Variants in SF3B3 observed in about 807,000 individuals in gnomAD.
SF3B3 encodes the protein splicing factor 3b subunit 3.
SF3B3 carries 33 observed loss-of-function variants against 139.2 expected under a neutral mutation model. The ratio of observed to expected loss-of-function variants is 0.24; its 90% CI spans 0.18 to 0.32. The LOEUF is 0.32. Among genes scored for constraint, SF3B3 ranks in the 10% least tolerant of loss-of-function variants. SF3B3 has a pLI of 1.00. For synonymous variants in SF3B3, 596 were observed against 563.6 expected (o/e 1.06, Z -0.81); for missense variants, 818 against 1,509.4 (o/e 0.54, Z 7.59).
intron 4 of SF3B3, among the ~76,000 whole-genome samples, chr16:70,531,616 T>G (rs1031520930): frequency 6.6e-6 from 1 of 152,218 alleles, no homozygotes; most frequent in Non-Finnish European, 1.5e-5. Context: ...TAGCAGATCT[T>G]CATATTCCAA....
At chr16:70,557,097 G>C (rs2050385936) in intron 15 of SF3B3, 68 bp downstream of exon 15, 2 of 1,464,618 alleles carry the variant, frequency 1.4e-6, no homozygotes, top group Admixed American at 2.4e-5. Context: ...TCCTTTGTTT[G>C]ATAACAGGGA....
intron 8 of SF3B3, among the ~76,000 whole-genome samples, chr16:70,541,172 G>C (rs571849250): frequency 2.0e-5 from 3 of 152,182 alleles, no homozygotes; most frequent in Non-Finnish European, 2.9e-5. Context: ...GTAGCTCATT[G>C]TGGTTTGCCT....
Position 70,530,667 on chromosome 16 carries a change from G to A in SF3B3, c.398-78G>A, listed in dbSNP as rs1421825533. 33 of 1,175,326 alleles carry A rather than the reference G, an allele frequency of 2.8e-5. 1 individual carries two copies. In the South Asian group the frequency reaches 4.4e-4, roughly 16 times the overall value. The allele number at this position is 1,175,326 out of a possible 1,614,324, so 72.8% of individuals were successfully genotyped here. On this transcript the variant is annotated intron_variant, in intron 3 of 25. Coordinates refer to ENST00000302516, the MANE Select transcript of SF3B3 (RefSeq NM_012426.5). ...TTAATAATGATTAAAAGAAAAGCAT[G>A]ATGTGACTCTAGCTGTTCTATAAGT...
At chr16:70,525,266 ACCCATTTGCCTCGG>A (rs1234277539) in intron 1 of SF3B3, among the ~76,000 whole-genome samples, 1 of 151,722 alleles carries the variant, frequency 6.6e-6, no homozygotes, top group African/African-American at 2.4e-5. Context: ...ACCTCAAGTG[ACCCATTTGCCTCGG>A]CCTCCCAAAG....
chr16:70,548,323 T>G, intron 10 of SF3B3, 47 bp from the exon 11 acceptor site: 33 of 1,468,880 alleles, frequency 2.2e-5, no homozygotes, highest in Non-Finnish European at 3.0e-5. Flanking sequence ...AGCAGGTAGC[T>G]GAGTTGCATG....
rs1488037965 is a variant in SF3B3, at chr16:70,538,430, T to G, written c.933T>G (p.Phe311Leu). 1 of 1,613,954 alleles carries G rather than the reference T, an allele frequency of 6.2e-7. No individual in the cohort carries two copies. The highest frequency in any genetic ancestry group is 1.1e-5 in the South Asian group (1 of 91,080). Reference sequence around the variant, plus strand: ...CTCAAACTGAGCAGGGAGATATCTTTAAGATCACTTTGGAGACAGATGAAG... The same window carrying G: ...CTCAAACTGAGCAGGGAGATATCTTGAAGATCACTTTGGAGACAGATGAAG... ...FLAQTEQGDI[F>L]KITLETDEDM... The change falls in exon 7 of 26, where the codon TTT (phenylalanine) becomes TTG (leucine). Residue 311 changes from phenylalanine to leucine, a missense_variant. Transcript: ENST00000302516.
Position 70,568,423 on chromosome 16 carries a change from A to T in SF3B3, c.3093A>T (p.Arg1031=), listed in dbSNP as rs941111886. ...TCTTTGCTGATGATACCTACCCCCG[A>T]TGGGTCACTACAGCCAGCCTCCTGG... ...LIIFADDTYP[R]WVTTASLLDY... The change falls in exon 22 of 26, where the codon CGA becomes CGT. Residue 1031 remains arginine (R), a synonymous_variant. Transcript: ENST00000302516. The T allele has an allele frequency of 6.2e-7, 1 of 1,614,122 alleles. No homozygotes were observed. The highest frequency in any genetic ancestry group is 8.5e-7 in the Non-Finnish European group (1 of 1,179,968).
chr16:70,536,610 C>T (rs961793249), intron 6 of SF3B3, among the ~76,000 whole-genome samples: 29 of 151,652 alleles, frequency 1.9e-4, no homozygotes, highest in Admixed American at 1.6e-3. Flanking sequence ...CTGCCCGCCT[C>T]GGCCTCCCAA....
At chr16:70,549,169 G>T (rs778133253) in intron 11 of SF3B3, among the ~76,000 whole-genome samples, 5 of 152,200 alleles carry the variant, frequency 3.3e-5, no homozygotes, top group Admixed American at 1.3e-4. Flanking sequence ...CAGGAATGTG[G>T]GATGGGTGAG....
At chr16:70,532,646 T>G (rs368907551) in intron 5 of SF3B3, 26 bp downstream of exon 5, 271 of 1,611,898 alleles carry the variant, frequency 1.7e-4, no homozygotes, top group Non-Finnish European at 2.1e-4. Flanking sequence ...AGCTGCTTTG[T>G]ACCCTTTTAC....
intron 5 of SF3B3, among the ~76,000 whole-genome samples, chr16:70,534,326 AG>A (rs1190404096): frequency 1.3e-5 from 2 of 152,232 alleles, no homozygotes; most frequent in Non-Finnish European, 2.9e-5. Context: ...GGGTAGGAGT[AG>A]GGGTGGGGTG....
chr16:70,560,153 G>C (rs1318271012), intron 15 of SF3B3, among the ~76,000 whole-genome samples: 3 of 152,068 alleles, frequency 2.0e-5, no homozygotes, highest in Admixed American at 6.5e-5. Context: ...TGGTCTTTGT[G>C]GTTATTTAAT....
At chr16:70,564,598 G>A (rs186932245) in intron 18 of SF3B3, among the ~76,000 whole-genome samples, 4 of 152,152 alleles carry the variant, frequency 2.6e-5, no homozygotes, top group African/African-American at 4.8e-5. Flanking sequence ...CTTTATTTGG[G>A]CCCAAAAGAG....
chr16:70,552,035 A>C (rs1056309715), intron 11 of SF3B3, among the ~76,000 whole-genome samples: 3 of 152,134 alleles, frequency 2.0e-5, no homozygotes, highest in Non-Finnish European at 2.9e-5. Context: ...CAAAAGTATG[A>C]CCCTATTTAA....
intron 11 of SF3B3, among the ~76,000 whole-genome samples, chr16:70,552,411 G>T (rs1419328572): frequency 2.0e-5 from 3 of 152,208 alleles, no homozygotes; most frequent in Non-Finnish European, 4.4e-5. Context: ...TCCAAACTTG[G>T]TGTTATGTAG....
At chr16:70,533,048 A>T (rs1030133732) in intron 5 of SF3B3, among the ~76,000 whole-genome samples, 6 of 152,236 alleles carry the variant, frequency 3.9e-5, no homozygotes, top group African/African-American at 1.4e-4. Flanking sequence ...TACCAGATTG[A>T]TCCAAAAATA....
intron 5 of SF3B3, among the ~76,000 whole-genome samples, 178 bp from the exon 6 acceptor site, chr16:70,535,130 C>A (rs1206127438): frequency 6.6e-6 from 1 of 152,160 alleles, no homozygotes; most frequent in Non-Finnish European, 1.5e-5. Context: ...TCCATGTAAA[C>A]ACAAACTGTG....
chr16:70,545,287 G>A (rs1006059365), intron 10 of SF3B3, among the ~76,000 whole-genome samples: 5 of 152,152 alleles, frequency 3.3e-5, no homozygotes, highest in African/African-American at 1.2e-4. Flanking sequence ...GGCTGGTCTT[G>A]ACCTCCTGGG....
chr16:70,537,357 A>T (rs2050178483), intron 6 of SF3B3, among the ~76,000 whole-genome samples: 1 of 152,038 alleles, frequency 6.6e-6, no homozygotes, highest in Non-Finnish European at 1.5e-5. Context: ...CTGATAATGG[A>T]ATTTGATGGT....
Sources: gnomAD v4.1 joint callset for allele counts (sites outside exome capture counted in the v4.1 genomes callset) on GRCh38, gnomAD v4.1.1 for gene constraint, MANE v1.5 for transcripts, NCBI Gene and HGNC (gene_info 2026-07-23, HGNC 2026-07-21) for gene names.